Variants in MFF observed in about 807,000 individuals in gnomAD.
MFF encodes the protein chromosome 2 open reading frame 33.
MFF carries 12 observed loss-of-function variants against 36.9 expected under a neutral mutation model. The ratio of observed to expected loss-of-function variants is 0.33; its 90% CI spans 0.21 to 0.53. The LOEUF is 0.53. Among genes scored for constraint, MFF ranks in the 20% least tolerant of loss-of-function variants. The pLI is 0.95. For missense variants in MFF, 348 were observed against 366.6 expected, an observed-to-expected ratio of 0.95 and a Z score of 0.42; for synonymous variants, 99 against 126.2, an observed-to-expected ratio of 0.78 and a Z score of 1.44.
intron 1 of MFF, among the ~76,000 whole-genome samples, chr2:227,326,494 T>C (rs2074149252): frequency 6.6e-6 from 1 of 152,186 alleles, no homozygotes; most frequent in Non-Finnish European, 1.5e-5. Context: ...CAAAGGCTTG[T>C]ATATTGGTTT....
At chr2:227,334,959 A>G (rs1420996826) in intron 4 of MFF, among the ~76,000 whole-genome samples, 1 of 152,164 alleles carries the variant, frequency 6.6e-6, no homozygotes, top group Non-Finnish European at 1.5e-5. Flanking sequence ...ACTTGAGGTC[A>G]GGAGTTCAAG....
At chr2:227,353,153 C>T (rs943148238) in intron 7 of MFF, among the ~76,000 whole-genome samples, 3 of 152,150 alleles carry the variant, frequency 2.0e-5, no homozygotes, top group Admixed American at 6.6e-5. Flanking sequence ...CTTTCAGACA[C>T]GCGTAGGTTG....
intron 8 of MFF, among the ~76,000 whole-genome samples, chr2:227,356,335 G>A (rs1036965742): frequency 6.6e-6 from 1 of 152,170 alleles, no homozygotes; most frequent in African/African-American, 2.4e-5. Flanking sequence ...GTGAAGATCA[G>A]TAGGAGAACA....
chr2:227,348,418 C>G (rs2075822234), intron 6 of MFF, among the ~76,000 whole-genome samples: 1 of 152,070 alleles, frequency 6.6e-6, no homozygotes, highest in South Asian at 2.1e-4. Flanking sequence ...TGACCTAGTG[C>G]TATGCATTTG....
chr2:227,349,901 T>A (rs1279953274), intron 6 of MFF, among the ~76,000 whole-genome samples: 1 of 152,176 alleles, frequency 6.6e-6, no homozygotes, highest in Non-Finnish European at 1.5e-5. Context: ...TTTGGTCATA[T>A]GCCATCACAT....
chr2:227,349,482 G>GT (rs1210757992), intron 6 of MFF, among the ~76,000 whole-genome samples: 2 of 151,966 alleles, frequency 1.3e-5, no homozygotes, highest in Non-Finnish European at 2.9e-5. Context: ...ATTTCAGTAA[G>GT]TTTTTAAAAG....
chr2:227,353,760 C>T lies in MFF; in HGVS notation c.659+1187C>T, dbSNP rs150759098. On this transcript the variant is annotated intron_variant, in intron 7 of 8. Transcript: ENST00000304593. The stretch of plus-strand genomic sequence containing the variant: ...CATATCCTTATATTTCTTTGCAAAT[C>T]GAGATTTCAGATATCTAAACCTTAG... Among the ~76,000 whole-genome samples the T allele has an allele frequency of 2.2e-3, 329 of 152,140 alleles. 2 individuals are homozygous for T. The highest frequency in any genetic ancestry group is 0.017 in the Middle Eastern group (5 of 294).
chr2:227,356,877 A>G (rs2076283715), intron 8 of MFF, 109 bp from the exon 9 acceptor site: 2 of 859,722 alleles, frequency 2.3e-6, no homozygotes, highest in Non-Finnish European at 3.5e-6. Flanking sequence ...CATGTTTGTA[A>G]TAATACTTTT....
intron 5 of MFF, chr2:227,346,275 G>A (rs1300111038): frequency 6.0e-6 from 1 of 167,022 alleles, no homozygotes; most frequent in East Asian, 1.9e-4. Flanking sequence ...GTTTTGCCTT[G>A]ACGTTGAGAA....
intron 6 of MFF, among the ~76,000 whole-genome samples, chr2:227,349,737 T>G (rs1464534262): frequency 6.6e-6 from 1 of 152,150 alleles, no homozygotes; most frequent in Non-Finnish European, 1.5e-5. Context: ...ATATAAGAAA[T>G]AGGAATGTGA....
At chr2:227,349,549 T>TA (rs772777506) in intron 6 of MFF, among the ~76,000 whole-genome samples, 6 of 152,136 alleles carry the variant, frequency 3.9e-5, no homozygotes, top group Non-Finnish European at 7.4e-5. Flanking sequence ...CATTAGTTGT[T>TA]ACCTTGGAGC....
In MFF at chr2:227,357,250, G is replaced by A; in HGVS notation, c.*133G>A. ...CCTGAAAATGTATTTCTTCCAGAAA[G>A]TCTGGAGGAAGGACCTATATTTGTA... On this transcript the variant is annotated 3_prime_UTR_variant, in exon 9 of 9. Coordinates refer to ENST00000304593, the MANE Select transcript of MFF (RefSeq NM_001277062.2). 1 of 991,732 alleles carries A rather than the reference G, an allele frequency of 1.0e-6. No homozygotes were observed. The highest frequency in any genetic ancestry group is 1.5e-6 in the Non-Finnish European group (1 of 686,124). The allele number at this position is 991,732 out of a possible 1,614,324, so 61.4% of individuals were successfully genotyped here. A position where few individuals can be genotyped will look rare whatever the true frequency, so the allele number is the denominator to read the frequency against.
intron 5 of MFF, chr2:227,346,372 C>G: frequency 6.0e-6 from 1 of 166,738 alleles, no homozygotes. Flanking sequence ...AAACAGCTCC[C>G]TGAAAATACT....
chr2:227,334,822 T>C (rs561893796), intron 4 of MFF, among the ~76,000 whole-genome samples: 60 of 152,262 alleles, frequency 3.9e-4, no homozygotes, highest in Non-Finnish European at 3.7e-4. Flanking sequence ...AGCTGATGAA[T>C]GGATAAGCAA....
intron 8 of MFF, 103 bp from the exon 9 acceptor site, chr2:227,356,883 C>T (rs2076284375): frequency 1.1e-6 from 1 of 901,750 alleles, no homozygotes; most frequent in Non-Finnish European, 1.6e-6. Flanking sequence ...TGTAATAATA[C>T]TTTTGTTGAC....
rs974497782 is a variant in MFF at position 227,357,236 on chromosome 2, A to G, written c.*119A>G. On this transcript the variant is annotated 3_prime_UTR_variant, in exon 9 of 9. Transcript: ENST00000304593. ...TTTATAGTCCACACCCTGAAAATGT[A>G]TTTCTTCCAGAAAGTCTGGAGGAAG... The G allele has an allele frequency of 2.3e-5, 26 of 1,123,084 alleles. No homozygotes were observed. The highest frequency in any genetic ancestry group is 3.0e-5 in the African/African-American group (2 of 65,822). The allele number at this position is 1,123,084 out of a possible 1,614,324, so 69.6% of individuals were successfully genotyped here.
intron 1 of MFF, chr2:227,325,805 C>G (rs1029573264): frequency 1.3e-5 from 2 of 152,272 alleles, no homozygotes; most frequent in Admixed American, 1.3e-4. Context: ...GGTCTTCACT[C>G]ATCCTTCCCT....
chr2:227,355,783 A>G, intron 8 of MFF, 22 bp downstream of exon 8: 3 of 1,431,938 alleles, frequency 2.1e-6, no homozygotes, highest in Non-Finnish European at 2.9e-6. Context: ...ACCAAATAAG[A>G]TATATTTCTC....
intron 5 of MFF, among the ~76,000 whole-genome samples, chr2:227,342,234 A>G (rs555361885): frequency 6.6e-6 from 1 of 152,210 alleles, no homozygotes; most frequent in South Asian, 2.1e-4. Context: ...TTATGGTTGT[A>G]AAGTATATTA....
Sources: gnomAD v4.1 joint callset for allele counts (sites outside exome capture counted in the v4.1 genomes callset) on GRCh38, gnomAD v4.1.1 for gene constraint, MANE v1.5 for transcripts, NCBI Gene and HGNC (gene_info 2026-07-23, HGNC 2026-07-21) for gene names.